SPOCK1: variants seen among roughly 807,000 people sequenced by gnomAD.
The protein encoded by SPOCK1 is SPARC (osteonectin), cwcv and kazal like domains proteoglycan 1.
SPOCK1 carries 23 observed loss-of-function variants against 55.3 expected under a neutral mutation model. The ratio of observed to expected loss-of-function variants is 0.42; its 90% confidence interval spans 0.30 to 0.59. The LOEUF (loss-of-function observed/expected upper bound fraction) is 0.59, where lower values mean the gene tolerates loss of function less well. Among genes scored for constraint, SPOCK1 ranks in the 20% least tolerant of loss-of-function variants. SPOCK1 has a pLI of 0.22. For missense variants in SPOCK1, 499 were observed against 552.5 expected, an observed-to-expected ratio of 0.90 and a Z score of 0.97; for synonymous variants, 226 against 221.0, an observed-to-expected ratio of 1.02 and a Z score of -0.20.
intron 3 of SPOCK1, among the ~76,000 whole-genome samples, chr5:137,228,598 G>T (rs1561478004): frequency 6.6e-6 from 1 of 152,098 alleles, no homozygotes; most frequent in Non-Finnish European, 1.5e-5. Context: ...AGCAGAGATT[G>T]GGCCACTGCA....
intron 2 of SPOCK1, among the ~76,000 whole-genome samples, chr5:137,418,254 G>T (rs577839256): frequency 1.3e-5 from 2 of 151,880 alleles, no homozygotes; most frequent in African/African-American, 4.8e-5. Context: ...GAATAGTGCC[G>T]CAATAAACAC....
chr5:136,984,223 CTAAGA>C (rs1243106656), intron 9 of SPOCK1, among the ~76,000 whole-genome samples: 3 of 152,116 alleles, frequency 2.0e-5, no homozygotes, highest in African/African-American at 2.4e-5. Flanking sequence ...TCAAAAAATC[CTAAGA>C]GAAGAAAATC....
chr5:137,409,481 C>G (rs910608259), intron 2 of SPOCK1, among the ~76,000 whole-genome samples: 1 of 152,174 alleles, frequency 6.6e-6, no homozygotes, highest in African/African-American at 2.4e-5. Context: ...GTCAGACAGC[C>G]TGGGCTCATA....
intron 3 of SPOCK1, among the ~76,000 whole-genome samples, chr5:137,186,068 C>T (rs939352185): frequency 6.6e-6 from 1 of 152,192 alleles, no homozygotes; most frequent in Non-Finnish European, 1.5e-5. Flanking sequence ...TTCCTGTCCT[C>T]ACAAGCACAA....
chr5:136,992,392 TG>T, intron 7 of SPOCK1, 91 bp downstream of exon 7: 1 of 948,226 alleles, frequency 1.1e-6, no homozygotes, highest in South Asian at 1.8e-5. Flanking sequence ...ATATATTTAA[TG>T]TAATGGGTGT....
At chr5:137,431,256 C>G (rs141780420) in intron 2 of SPOCK1, among the ~76,000 whole-genome samples, 403 of 152,302 alleles carry the variant, frequency 2.6e-3, no homozygotes, top group African/African-American at 8.2e-3. Context: ...TACAGCCAAA[C>G]AGTCTTGGAA....
At chr5:137,188,238 T>C (rs1431867043) in intron 3 of SPOCK1, among the ~76,000 whole-genome samples, 1 of 152,236 alleles carries the variant, frequency 6.6e-6, no homozygotes, top group African/African-American at 2.4e-5. Flanking sequence ...CAGCCACACG[T>C]GGCCACCACT....
At chr5:137,080,551 C>T (rs956312458) in intron 5 of SPOCK1, among the ~76,000 whole-genome samples, 2 of 152,260 alleles carry the variant, frequency 1.3e-5, no homozygotes, top group Middle Eastern at 3.4e-3. Flanking sequence ...CTCTATAGAA[C>T]CCCTGCCATG....
intron 3 of SPOCK1, among the ~76,000 whole-genome samples, chr5:137,239,672 G>GA (rs202008559): frequency 8.7e-5 from 13 of 149,404 alleles, no homozygotes; most frequent in East Asian, 2.0e-4. Flanking sequence ...GCTTGGTGTG[G>GA]AAAAAAAAAA....
intron 2 of SPOCK1, among the ~76,000 whole-genome samples, chr5:137,444,801 T>C (rs10434788): frequency 6.6e-6 from 1 of 152,016 alleles, no homozygotes; most frequent in Admixed American, 6.5e-5. Context: ...CCCTAAGGAC[T>C]GGAAAATCAC....
intron 6 of SPOCK1, among the ~76,000 whole-genome samples, chr5:137,038,894 T>C (rs1174080942): frequency 6.6e-6 from 1 of 152,232 alleles, no homozygotes; most frequent in Non-Finnish European, 1.5e-5. Context: ...TTCATCAGTA[T>C]GTCCTACTAT....
intron 6 of SPOCK1, among the ~76,000 whole-genome samples, chr5:136,994,160 A>G (rs1750999522): frequency 6.6e-6 from 1 of 151,846 alleles, no homozygotes. Context: ...TAGGATCCAG[A>G]CTCTACACTC....
chr5:137,459,560 T>A (rs1040692653), intron 2 of SPOCK1, among the ~76,000 whole-genome samples: 4 of 151,718 alleles, frequency 2.6e-5, no homozygotes, highest in African/African-American at 9.7e-5. Flanking sequence ...ACCAAGAAAT[T>A]TAAGCAATGC....
chr5:137,191,711 T>C (rs183955936), intron 3 of SPOCK1, among the ~76,000 whole-genome samples: 4 of 152,326 alleles, frequency 2.6e-5, no homozygotes, highest in East Asian at 3.9e-4. Flanking sequence ...CTATGTGCCA[T>C]GTACACCACT....
At chr5:137,157,253 G>A (rs1754434129) in intron 3 of SPOCK1, among the ~76,000 whole-genome samples, 2 of 152,186 alleles carry the variant, frequency 1.3e-5, no homozygotes, top group Non-Finnish European at 2.9e-5. Context: ...CAATTTGGAT[G>A]GGAATGCTCC....
chr5:137,083,286 T>C (rs1045801826), intron 5 of SPOCK1, among the ~76,000 whole-genome samples: 1 of 152,050 alleles, frequency 6.6e-6, no homozygotes, highest in Non-Finnish European at 1.5e-5. Context: ...GCTACTCAAA[T>C]CCTCGGGAGC....
At chr5:137,298,721 ACT>A (rs1757534334) in intron 2 of SPOCK1, among the ~76,000 whole-genome samples, 1 of 151,542 alleles carries the variant, frequency 6.6e-6, no homozygotes, top group Non-Finnish European at 1.5e-5. Context: ...GGGTGAACTG[ACT>A]CTTTTATTCT....
chr5:137,357,270 A>G (rs994447016), intron 2 of SPOCK1, among the ~76,000 whole-genome samples: 1 of 152,110 alleles, frequency 6.6e-6, no homozygotes, highest in Non-Finnish European at 1.5e-5. Flanking sequence ...GAACATCTAT[A>G]ATTATGATTC....
intron 5 of SPOCK1, among the ~76,000 whole-genome samples, chr5:137,101,425 C>T (rs772650519): frequency 4.6e-5 from 7 of 152,178 alleles, no homozygotes; most frequent in Non-Finnish European, 1.0e-4. Flanking sequence ...GAACTGACAA[C>T]AAGAAGGTAT....
Sources: gnomAD v4.1 joint callset for allele counts (sites outside exome capture counted in the v4.1 genomes callset) on GRCh38, gnomAD v4.1.1 for gene constraint, MANE v1.5 for transcripts, NCBI Gene and HGNC (gene_info 2026-07-23, HGNC 2026-07-21) for gene names.